MICAL2: variants seen among roughly 807,000 people sequenced by gnomAD.
MICAL2 encodes microtubule associated monooxygenase, calponin and LIM domain containing 2.
A neutral mutation model predicts 127.3 loss-of-function variants in MICAL2; 77 were observed. The observed-to-expected ratio is 0.60, with a 90% CI of 0.50 to 0.73. MICAL2 has a LOEUF of 0.73. MICAL2 is among the 30% of genes least tolerant of loss of function. The pLI is 0.00. For missense variants in MICAL2, 1,351 were observed against 1,434.4 expected, an observed-to-expected ratio of 0.94 and a Z score of 0.94; for synonymous variants, 570 against 551.1, an observed-to-expected ratio of 1.03 and a Z score of -0.48.
intron 29 of MICAL2, among the ~76,000 whole-genome samples, chr11:12,300,787 C>T (rs1461821488): frequency 6.6e-6 from 1 of 152,182 alleles, no homozygotes; most frequent in East Asian, 1.9e-4. Flanking sequence ...CCCATTGAGC[C>T]ATGCCTGGAC....
chr11:12,160,631 C>A (rs1176915314), intron 2 of MICAL2, among the ~76,000 whole-genome samples: 2 of 152,218 alleles, frequency 1.3e-5, no homozygotes, highest in African/African-American at 4.8e-5. Flanking sequence ...AAATAAATCT[C>A]ATTCCTAAAA....
downstream of MICAL2, among the ~76,000 whole-genome samples, chr11:12,288,866 A>T (rs1038138206): frequency 1.3e-5 from 2 of 152,156 alleles, no homozygotes; most frequent in African/African-American, 4.8e-5. Context: ...GTCTCCCGAA[A>T]ATCCCCAGAG....
chr11:12,112,229 A>T (rs1849665101), intron 1 of MICAL2, among the ~76,000 whole-genome samples: 1 of 152,180 alleles, frequency 6.6e-6, no homozygotes, highest in Non-Finnish European at 1.5e-5. Context: ...CAGCGTGCTG[A>T]CTAGAGCCTT....
intron 33 of MICAL2, among the ~76,000 whole-genome samples, chr11:12,350,401 G>T (rs530651852): frequency 6.6e-6 from 1 of 152,278 alleles, no homozygotes; most frequent in South Asian, 2.1e-4. Context: ...TTGCAGCCTC[G>T]TTGGGAGACC....
chr11:12,275,269 G>A (rs1022533931), upstream of MICAL2, among the ~76,000 whole-genome samples: 1 of 152,206 alleles, frequency 6.6e-6, no homozygotes, highest in Non-Finnish European at 1.5e-5. Context: ...ACACGTAGAC[G>A]GAGATGCAAG....
At chr11:12,173,032 T>A (rs930675702) in intron 3 of MICAL2, among the ~76,000 whole-genome samples, 32 of 152,184 alleles carry the variant, frequency 2.1e-4, no homozygotes, top group Admixed American at 1.3e-3. Flanking sequence ...TATATACATA[T>A]ATTTTTATGT....
At chr11:12,185,879 C>G (rs535921831) in intron 3 of MICAL2, among the ~76,000 whole-genome samples, 3 of 152,222 alleles carry the variant, frequency 2.0e-5, no homozygotes, top group African/African-American at 7.2e-5. Flanking sequence ...CGCCAGCCTG[C>G]GATCATGTTT....
intron 2 of MICAL2, among the ~76,000 whole-genome samples, chr11:12,147,859 C>A (rs1179698275): frequency 6.6e-6 from 1 of 152,204 alleles, no homozygotes; most frequent in Non-Finnish European, 1.5e-5. Flanking sequence ...TCCTCTTGAA[C>A]CTCAGGCTGC....
intron 22 of MICAL2, chr11:12,255,128 G>A (rs767108489): frequency 7.7e-5 from 12 of 155,622 alleles, no homozygotes; most frequent in Non-Finnish European, 1.7e-4. Flanking sequence ...ATGTTGGTCA[G>A]GCTGGTCTTG....
chr11:12,266,796 G>T (rs1016166549), downstream of MICAL2, among the ~76,000 whole-genome samples: 1 of 152,232 alleles, frequency 6.6e-6, no homozygotes, highest in African/African-American at 2.4e-5. Flanking sequence ...AGTTGGTACT[G>T]ACTCAGTGGC....
At chr11:12,136,946 C>T (rs941619407) in intron 1 of MICAL2, among the ~76,000 whole-genome samples, 16 of 152,296 alleles carry the variant, frequency 1.1e-4, no homozygotes, top group Non-Finnish European at 1.3e-4. Context: ...GAGAGCATGG[C>T]GGGGTCCCTG....
intron 3 of MICAL2, among the ~76,000 whole-genome samples, chr11:12,167,670 G>C (rs573380406): frequency 6.6e-6 from 1 of 152,140 alleles, no homozygotes; most frequent in Admixed American, 6.5e-5. Context: ...AACTCTGTGC[G>C]AGTTGAAGAA....
chr11:12,207,081 A>G (rs1012433721), intron 4 of MICAL2, among the ~76,000 whole-genome samples: 2 of 152,134 alleles, frequency 1.3e-5, no homozygotes, highest in East Asian at 3.9e-4. Flanking sequence ...AAAGCTCCCA[A>G]ACCCCCAAGT....
intron 6 of MICAL2, among the ~76,000 whole-genome samples, chr11:12,211,876 T>C (rs1855514427): frequency 6.6e-6 from 1 of 152,190 alleles, no homozygotes; most frequent in Admixed American, 6.5e-5. Flanking sequence ...AGCCCAGTGG[T>C]GGCAACCTGG....
intron 26 of MICAL2, chr11:12,260,292 G>C: frequency 7.0e-7 from 1 of 1,426,286 alleles, no homozygotes; most frequent in Non-Finnish European, 9.1e-7. Context: ...TTAGCTCAAA[G>C]CCAAAGAATT....
At chr11:12,273,781 A>G (rs1010564816), upstream of MICAL2, among the ~76,000 whole-genome samples, 1 of 152,094 alleles carries the variant, frequency 6.6e-6, no homozygotes, top group African/African-American at 2.4e-5. Context: ...AGGGGCAGGG[A>G]GAGAAGGTGT....
intron 32 of MICAL2, among the ~76,000 whole-genome samples, chr11:12,348,727 C>G (rs1222304682): frequency 1.3e-5 from 2 of 152,180 alleles, no homozygotes. Context: ...AGTTCAGGCT[C>G]TAGCTCTGCT....
At chr11:12,190,001 C>A (rs1458297406) in intron 3 of MICAL2, among the ~76,000 whole-genome samples, 1 of 152,220 alleles carries the variant, frequency 6.6e-6, no homozygotes, top group African/African-American at 2.4e-5. Flanking sequence ...TGTCTAGACA[C>A]TTTGGTCTGT....
intron 12 of MICAL2, 64 bp from the exon 13 acceptor site, chr11:12,224,609 A>G: frequency 1.9e-6 from 3 of 1,565,984 alleles, no homozygotes; most frequent in African/African-American, 1.3e-5. Context: ...ATGAGAAGGG[A>G]GCGCCAGGGC....
Sources: gnomAD v4.1 joint callset for allele counts (sites outside exome capture counted in the v4.1 genomes callset) on GRCh38, gnomAD v4.1.1 for gene constraint, MANE v1.5 for transcripts, NCBI Gene and HGNC (gene_info 2026-07-23, HGNC 2026-07-21) for gene names.